PDSS2: variants seen among roughly 807,000 people sequenced by gnomAD.
The protein encoded by PDSS2 is decaprenyl diphosphate synthase subunit 2, also known as all trans-polyprenyl-diphosphate synthase PDSS2.
PDSS2 carries 31 observed loss-of-function variants against 44.5 expected under a neutral mutation model. The ratio of observed to expected loss-of-function variants is 0.70; its 90% CI spans 0.52 to 0.94. PDSS2 has a LOEUF of 0.94. Ranked by LOEUF, PDSS2 falls within the 40% of genes least tolerant of loss-of-function variation. The pLI, the probability that PDSS2 is intolerant of heterozygous loss-of-function variation, is 0.00. For missense variants in PDSS2, 452 were observed against 482.2 expected (o/e 0.94, Z 0.59); for synonymous variants, 157 against 180.3 (o/e 0.87, Z 1.03).
At chr6:107,395,197 A>T (rs891916837) in intron 1 of PDSS2, among the ~76,000 whole-genome samples, 3 of 151,892 alleles carry the variant, frequency 2.0e-5, no homozygotes, top group Non-Finnish European at 4.4e-5. Flanking sequence ...CTATTTTTTA[A>T]TCTACCTGAA....
chr6:107,261,578 C>CTTTTT (rs36106088), intron 3 of PDSS2, among the ~76,000 whole-genome samples: 26 of 112,810 alleles, frequency 2.3e-4, no homozygotes, highest in African/African-American at 3.6e-4. Flanking sequence ...TCTTTTCTTT[C>CTTTTT]TTTTTTTTTT....
At chr6:107,388,594 G>A (rs1001707257) in intron 1 of PDSS2, among the ~76,000 whole-genome samples, 3 of 152,106 alleles carry the variant, frequency 2.0e-5, no homozygotes, top group African/African-American at 7.2e-5. Context: ...GAGTAGGTGG[G>A]ACTACAGGCG....
At chr6:107,405,318 C>T (rs946445508) in intron 1 of PDSS2, among the ~76,000 whole-genome samples, 8 of 151,376 alleles carry the variant, frequency 5.3e-5, no homozygotes, top group Admixed American at 2.0e-4. Flanking sequence ...GTGATACTTG[C>T]CATCATAAAA....
intron 1 of PDSS2, among the ~76,000 whole-genome samples, chr6:107,406,007 A>G (rs1780308889): frequency 6.6e-6 from 1 of 152,186 alleles, no homozygotes; most frequent in African/African-American, 2.4e-5. Context: ...ACTATGCAAT[A>G]TATCCATGTA....
chr6:107,175,705 G>T (rs1771763065), intron 7 of PDSS2, among the ~76,000 whole-genome samples: 1 of 152,164 alleles, frequency 6.6e-6, no homozygotes, highest in South Asian at 2.1e-4. Flanking sequence ...CCATATGGTT[G>T]TAGAACAAAT....
chr6:107,289,277 G>A (rs1177483520), intron 2 of PDSS2, among the ~76,000 whole-genome samples: 2 of 151,436 alleles, frequency 1.3e-5, no homozygotes, highest in Admixed American at 6.6e-5. Context: ...GGAGGCTGAG[G>A]CAGGAGAATT....
At chr6:107,285,853 TA>T (rs1776122386) in intron 2 of PDSS2, among the ~76,000 whole-genome samples, 1 of 151,930 alleles carries the variant, frequency 6.6e-6, no homozygotes, top group Non-Finnish European at 1.5e-5. Flanking sequence ...AAACAAAGGA[TA>T]GGGGGCTGGG....
chr6:107,430,368 C>T (rs1016865111), intron 1 of PDSS2, among the ~76,000 whole-genome samples: 1 of 151,890 alleles, frequency 6.6e-6, no homozygotes, highest in Non-Finnish European at 1.5e-5. Flanking sequence ...GGCGTGGTGG[C>T]GTGCATCTAT....
At chr6:107,325,281 C>T (rs923044757) in intron 2 of PDSS2, among the ~76,000 whole-genome samples, 11 of 152,048 alleles carry the variant, frequency 7.2e-5, no homozygotes, top group African/African-American at 2.7e-4. Context: ...TTCTTGAAGC[C>T]CAACAATTAC....
intron 7 of PDSS2, among the ~76,000 whole-genome samples, chr6:107,159,253 G>T (rs1771026431): frequency 6.8e-6 from 1 of 146,722 alleles, no homozygotes; most frequent in South Asian, 2.3e-4. Flanking sequence ...AAGCTAACTG[G>T]ACTTGGATCA....
intron 7 of PDSS2, among the ~76,000 whole-genome samples, chr6:107,163,695 C>T (rs782035501): frequency 1.4e-4 from 22 of 151,886 alleles, no homozygotes; most frequent in Non-Finnish European, 2.5e-4. Flanking sequence ...CTCTGTCTCC[C>T]GGGTTCCAGC....
Position 107,402,699 on chromosome 6 carries a change from T to C in PDSS2, c.296+56291A>G, listed in dbSNP as rs191079141. Among the ~76,000 whole-genome samples the C allele has an allele frequency of 3.7e-4, 56 of 151,452 alleles. No homozygotes were observed. The East Asian group carries it at 0.01, about 27-fold the overall frequency. ...ACATGTACAGGGGAATTGCCCTTTA[T>C]AAAACCATCAGATCTAGATGGTTTT... On this transcript the variant is annotated intron_variant, in intron 1 of 7. Transcript: ENST00000369037.
chr6:107,182,622 G>A (rs1772024748), intron 7 of PDSS2, among the ~76,000 whole-genome samples: 1 of 152,026 alleles, frequency 6.6e-6, no homozygotes, highest in South Asian at 2.1e-4. Context: ...ACCACACCCG[G>A]CCTATAATTT....
chr6:107,360,436 G>A (rs1374648507), intron 1 of PDSS2, among the ~76,000 whole-genome samples: 2 of 152,188 alleles, frequency 1.3e-5, no homozygotes, highest in African/African-American at 2.4e-5. Context: ...AGGAATATTT[G>A]AGAATTAGTG....
chr6:107,421,052 A>C (rs140595063), intron 1 of PDSS2, among the ~76,000 whole-genome samples: 22 of 152,336 alleles, frequency 1.4e-4, no homozygotes, highest in African/African-American at 5.0e-4. Flanking sequence ...TATTCATCTT[A>C]CCAATGAGGA....
intron 2 of PDSS2, among the ~76,000 whole-genome samples, chr6:107,301,270 C>G (rs1448303551): frequency 2.0e-5 from 3 of 152,098 alleles, no homozygotes; most frequent in African/African-American, 7.2e-5. Context: ...AAAACACACA[C>G]TAAAGAAGAA....
chr6:107,182,841 T>C (rs563118758), intron 7 of PDSS2, among the ~76,000 whole-genome samples: 4 of 152,246 alleles, frequency 2.6e-5, no homozygotes, highest in Admixed American at 6.5e-5. Flanking sequence ...AAAACAGGTG[T>C]CTGAAATGTA....
chr6:107,303,512 A>C (rs1776762219), intron 2 of PDSS2, among the ~76,000 whole-genome samples: 1 of 152,228 alleles, frequency 6.6e-6, no homozygotes, highest in African/African-American at 2.4e-5. Flanking sequence ...AACATATAGC[A>C]AATGCTATGC....
intron 1 of PDSS2, among the ~76,000 whole-genome samples, chr6:107,400,284 A>C (rs897098579): frequency 6.6e-6 from 1 of 152,174 alleles, no homozygotes; most frequent in Non-Finnish European, 1.5e-5. Flanking sequence ...ATGGATGCCT[A>C]CCAACCAGAA....
Sources: gnomAD v4.1 joint callset for allele counts (sites outside exome capture counted in the v4.1 genomes callset) on GRCh38, gnomAD v4.1.1 for gene constraint, MANE v1.5 for transcripts, NCBI Gene and HGNC (gene_info 2026-07-23, HGNC 2026-07-21) for gene names.